Variants in CNTN4 observed in about 807,000 individuals in gnomAD.
CNTN4 encodes the protein contactin 4.
CNTN4 carries 77 observed loss-of-function variants against 122.5 expected under a neutral mutation model. The ratio of observed to expected loss-of-function variants is 0.63; its 90% confidence interval spans 0.52 to 0.76. CNTN4 has a LOEUF of 0.76. Among genes scored for constraint, CNTN4 ranks in the 30% least tolerant of loss-of-function variants. The pLI is 0.00. For synonymous variants in CNTN4, 512 were observed against 447.0 expected, an observed-to-expected ratio of 1.15 and a Z score of -1.83; for missense variants, 1,256 against 1,259.1, an observed-to-expected ratio of 1.00 and a Z score of 0.04.
At chr3:2,760,366 C>T (rs1207686571) in intron 6 of CNTN4, among the ~76,000 whole-genome samples, 3 of 152,036 alleles carry the variant, frequency 2.0e-5, no homozygotes, top group Non-Finnish European at 2.9e-5. Flanking sequence ...TTGAAGTATT[C>T]GTTCAAAAGA....
intron 4 of CNTN4, among the ~76,000 whole-genome samples, chr3:2,631,108 C>G (rs996801369): frequency 4.6e-5 from 7 of 152,162 alleles, no homozygotes; most frequent in African/African-American, 1.7e-4. Flanking sequence ...AGCAATAGCC[C>G]TGATGCAGTG....
intron 13 of CNTN4, among the ~76,000 whole-genome samples, chr3:2,969,989 G>T (rs879381187): frequency 6.6e-6 from 1 of 152,112 alleles, no homozygotes; most frequent in Non-Finnish European, 1.5e-5. Context: ...CAACTAAGGG[G>T]TTAGGAGTAC....
intron 10 of CNTN4, among the ~76,000 whole-genome samples, chr3:2,899,687 G>A (rs1447203971): frequency 6.6e-6 from 1 of 152,138 alleles, no homozygotes; most frequent in Non-Finnish European, 1.5e-5. Context: ...TGGGCAGCGG[G>A]GGTAGTGGAT....
chr3:2,590,295 C>T lies in CNTN4; in HGVS notation c.55+18737C>T, dbSNP rs556090699. ...GTTTTGAGACAGGGTCTCGCTCTGT[C>T]GCCCAGGCTGGAGTGCAGTGGCACG... On this transcript the variant is annotated intron_variant, in intron 4 of 24. Transcript: ENST00000418658. Among the ~76,000 whole-genome samples, 76 of 152,134 alleles carry T rather than the reference C, an allele frequency of 5.0e-4. 1 individual carries two copies. Among genetic ancestry groups the T allele is most frequent in the Non-Finnish European group, 2.9e-4 (20 of 68,028 alleles).
At chr3:2,838,560 T>TA (rs11394928) in intron 7 of CNTN4, among the ~76,000 whole-genome samples, 8,080 of 127,880 alleles carry the variant, frequency 0.063, 241 homozygotes, top group African/African-American at 0.076. Context: ...CTATGGTTTG[T>TA]AAAAAAAAAA....
chr3:2,270,515 T>C (rs1030425193), intron 2 of CNTN4, among the ~76,000 whole-genome samples: 1 of 152,100 alleles, frequency 6.6e-6, no homozygotes, highest in African/African-American at 2.4e-5. Context: ...AGTGTGGGAA[T>C]GGACAGGAGT....
chr3:2,839,917 C>G (rs145079500), intron 7 of CNTN4, among the ~76,000 whole-genome samples: 2 of 152,214 alleles, frequency 1.3e-5, no homozygotes, highest in East Asian at 3.9e-4. Flanking sequence ...TTTTTTTTCT[C>G]TATTCCCAAG....
chr3:3,024,485 C>T (rs755430634), intron 14 of CNTN4, among the ~76,000 whole-genome samples: 14 of 150,984 alleles, frequency 9.3e-5, no homozygotes, highest in Non-Finnish European at 1.6e-4. Context: ...TCAAAAGCCT[C>T]GGTCTTTCAA....
chr3:2,901,320 T>G (rs1251866982), intron 11 of CNTN4, among the ~76,000 whole-genome samples: 5 of 152,194 alleles, frequency 3.3e-5, no homozygotes, highest in African/African-American at 1.2e-4. Flanking sequence ...TTAATTGAAA[T>G]TTGACATTTT....
intron 6 of CNTN4, among the ~76,000 whole-genome samples, chr3:2,747,237 G>A (rs1244323788): frequency 6.6e-6 from 1 of 151,746 alleles, no homozygotes; most frequent in Non-Finnish European, 1.5e-5. Flanking sequence ...ATGAAACCGC[G>A]TCTCTACTAA....
At chr3:2,513,381 T>C (rs748041475) in intron 3 of CNTN4, among the ~76,000 whole-genome samples, 5 of 152,092 alleles carry the variant, frequency 3.3e-5, no homozygotes, top group African/African-American at 4.8e-5. Flanking sequence ...TTAAGAGGGA[T>C]TTATGGATTT....
chr3:2,470,234 G>A (rs578186015), intron 3 of CNTN4, among the ~76,000 whole-genome samples: 10 of 152,084 alleles, frequency 6.6e-5, no homozygotes, highest in African/African-American at 1.9e-4. Flanking sequence ...ATGCCACCAC[G>A]CCTGGCTAAT....
At chr3:2,439,799 G>A (rs567311751) in intron 3 of CNTN4, among the ~76,000 whole-genome samples, 1 of 152,256 alleles carries the variant, frequency 6.6e-6, no homozygotes, top group East Asian at 1.9e-4. Context: ...TAGAGGGCCT[G>A]GTTGTGATCC....
chr3:2,113,130 C>G (rs557576028), intron 2 of CNTN4, among the ~76,000 whole-genome samples: 8 of 152,176 alleles, frequency 5.3e-5, no homozygotes, highest in Non-Finnish European at 1.0e-4. Flanking sequence ...ATGGATTTCA[C>G]TGCTCTCAAT....
chr3:2,682,419 A>T (rs2150500873), intron 4 of CNTN4, among the ~76,000 whole-genome samples: 1 of 152,240 alleles, frequency 6.6e-6, no homozygotes, highest in Middle Eastern at 3.4e-3. Flanking sequence ...ATGTGATGAA[A>T]ATAATTGTTT....
intron 3 of CNTN4, among the ~76,000 whole-genome samples, chr3:2,423,204 T>C (rs1205999782): frequency 6.6e-6 from 1 of 152,196 alleles, no homozygotes; most frequent in South Asian, 2.1e-4. Context: ...AGTTGTTGCC[T>C]TTCTTTCTTT....
At chr3:2,970,724 G>A (rs1559735099) in intron 13 of CNTN4, among the ~76,000 whole-genome samples, 1 of 152,160 alleles carries the variant, frequency 6.6e-6, no homozygotes, top group Non-Finnish European at 1.5e-5. Flanking sequence ...GCGATTGCAA[G>A]CATGAACCAC....
intron 12 of CNTN4, among the ~76,000 whole-genome samples, chr3:2,922,637 G>A (rs1049770750): frequency 3.1e-5 from 4 of 129,296 alleles, no homozygotes; most frequent in Non-Finnish European, 6.6e-5. Flanking sequence ...TTTTGAGACG[G>A]AGTCTAGCTC....
chr3:2,761,770 C>A (rs764580583), intron 6 of CNTN4, among the ~76,000 whole-genome samples: 2 of 152,048 alleles, frequency 1.3e-5, no homozygotes, highest in Non-Finnish European at 2.9e-5. Flanking sequence ...TCTAACCAGC[C>A]ATTTATCCTA....
Sources: gnomAD v4.1 joint callset for allele counts (sites outside exome capture counted in the v4.1 genomes callset) on GRCh38, gnomAD v4.1.1 for gene constraint, MANE v1.5 for transcripts, NCBI Gene and HGNC (gene_info 2026-07-23, HGNC 2026-07-21) for gene names.